RASA2: variants seen among roughly 807,000 people sequenced by gnomAD.
The protein encoded by RASA2 is RAS p21 protein activator 2.
In RASA2, 155 loss-of-function variants were observed where a neutral mutation model predicts 118.2. The ratio of observed to expected loss-of-function variants is 1.31; its 90% CI spans 1.15 to 1.50. The LOEUF (loss-of-function observed/expected upper bound fraction) is 1.50. RASA2 is among the 40% of genes most tolerant of loss of function. The probability of loss-of-function intolerance (pLI) is 0.00; values close to 1 mark genes in which losing one functional copy is unlikely to be tolerated. For missense variants in RASA2, 1,016 were observed against 1,009.6 expected (o/e 1.01, Z -0.09); for synonymous variants, 353 against 349.1 (o/e 1.01, Z -0.12).
At chr3:141,488,018 G>T (rs2081599923) in intron 1 of RASA2, among the ~76,000 whole-genome samples, 1 of 152,208 alleles carries the variant, frequency 6.6e-6, no homozygotes, top group Non-Finnish European at 1.5e-5. Context: ...TCTCATGCGT[G>T]TAATTGCTAC....
intron 2 of RASA2, among the ~76,000 whole-genome samples, 193 bp downstream of exon 2, chr3:141,512,473 T>C (rs1191340607): frequency 1.3e-5 from 2 of 152,214 alleles, no homozygotes; most frequent in African/African-American, 4.8e-5. Context: ...GAAAAGTTTT[T>C]TCACATGACA....
chr3:141,562,387 CG>C (rs2082744297), intron 9 of RASA2, among the ~76,000 whole-genome samples: 1 of 146,684 alleles, frequency 6.8e-6, no homozygotes, highest in South Asian at 2.1e-4. Context: ...ACTTTGGGAG[CG>C]CAAGGCAGGC....
At chr3:141,523,748 C>T (rs1254117206) in intron 3 of RASA2, among the ~76,000 whole-genome samples, 1 of 152,130 alleles carries the variant, frequency 6.6e-6, no homozygotes, top group African/African-American at 2.4e-5. Context: ...TCCCCGACCC[C>T]TCACTCCACC....
At chr3:141,532,277 G>C (rs1206009742) in intron 4 of RASA2, among the ~76,000 whole-genome samples, 6 of 152,128 alleles carry the variant, frequency 3.9e-5, no homozygotes, top group Middle Eastern at 3.4e-3. Flanking sequence ...TAACCACAGT[G>C]CCTTTACTAC....
intron 23 of RASA2, 26 bp from the exon 24 acceptor site, chr3:141,612,257 G>T: frequency 6.5e-7 from 1 of 1,538,806 alleles, no homozygotes; most frequent in South Asian, 1.2e-5. Context: ...CTTAAATTTT[G>T]AAAAATGACT....
Position 141,596,138 on chromosome 3 carries a change from C to T in RASA2, c.1933+9386C>T, listed in dbSNP as rs143151839. Among the ~76,000 whole-genome samples, 7 of 152,256 alleles carry T rather than the reference C, an allele frequency of 4.6e-5. No homozygotes were observed. The East Asian group carries it at 1.3e-3, about 29-fold the overall frequency. On this transcript the variant is annotated intron_variant, in intron 19 of 23. Transcript: ENST00000286364. ...CCGCCATATGCTGGGCCTGGAGTCT[C>T]AGTAAATATCAAAAGATTGACTTTT...
At chr3:141,552,041 T>C (rs1334149083) in intron 5 of RASA2, among the ~76,000 whole-genome samples, 1 of 152,116 alleles carries the variant, frequency 6.6e-6, no homozygotes, top group Non-Finnish European at 1.5e-5. Context: ...TTTAATAATA[T>C]TACTTAAGTT....
chr3:141,542,885 C>T (rs1278960659), intron 5 of RASA2, among the ~76,000 whole-genome samples: 1 of 152,000 alleles, frequency 6.6e-6, no homozygotes, highest in African/African-American at 2.4e-5. Context: ...TAATATGTGA[C>T]CTTTTGAGAT....
chr3:141,584,384 T>G (rs2083167255), intron 17 of RASA2, among the ~76,000 whole-genome samples: 1 of 148,062 alleles, frequency 6.8e-6, no homozygotes, highest in Non-Finnish European at 1.5e-5. Flanking sequence ...TTCCTTGAAC[T>G]GCTGATTTCC....
At chr3:141,541,074 G>A (rs2082398222) in intron 5 of RASA2, among the ~76,000 whole-genome samples, 1 of 151,788 alleles carries the variant, frequency 6.6e-6, no homozygotes, top group Admixed American at 6.6e-5. Flanking sequence ...CTAATCTCCT[G>A]GCTGTTCTGG....
intron 11 of RASA2, 51 bp downstream of exon 11, chr3:141,571,605 CT>C: frequency 6.6e-7 from 1 of 1,524,560 alleles, no homozygotes; most frequent in Non-Finnish European, 8.9e-7. Flanking sequence ...GAAATTGGAC[CT>C]TAGTTTGACA....
chr3:141,590,203 T>C, intron 19 of RASA2: 1 of 455,400 alleles, frequency 2.2e-6, no homozygotes, highest in South Asian at 1.6e-5. Context: ...GTTATATGGA[T>C]TCTGATTTAG....
chr3:141,543,621 T>C (rs1344308629), intron 5 of RASA2, among the ~76,000 whole-genome samples: 1 of 152,100 alleles, frequency 6.6e-6, no homozygotes, highest in East Asian at 1.9e-4. Flanking sequence ...TTTTCCTTCA[T>C]CTCAGAAGGT....
intron 17 of RASA2, among the ~76,000 whole-genome samples, chr3:141,583,596 G>GT (rs1400612036): frequency 2.0e-5 from 3 of 152,226 alleles, no homozygotes; most frequent in African/African-American, 7.2e-5. Flanking sequence ...TTGGATACTT[G>GT]TACCCACATT....
intron 4 of RASA2, among the ~76,000 whole-genome samples, chr3:141,536,272 C>T (rs375393833): frequency 1.2e-3 from 184 of 152,194 alleles, no homozygotes; most frequent in African/African-American, 4.2e-3. Context: ...GAAGCAAAAG[C>T]GGAAACCCCT....
At chr3:141,503,851 A>G (rs1001098846) in intron 1 of RASA2, among the ~76,000 whole-genome samples, 11 of 152,212 alleles carry the variant, frequency 7.2e-5, no homozygotes, top group African/African-American at 2.7e-4. Context: ...ACGTCTCTGT[A>G]TTAATACAAT....
At chr3:141,580,647 G>A (rs1338094786) in intron 16 of RASA2, among the ~76,000 whole-genome samples, 196 bp downstream of exon 16, 1 of 151,936 alleles carries the variant, frequency 6.6e-6, no homozygotes, top group African/African-American at 2.4e-5. Flanking sequence ...TTCAGAAGCT[G>A]GGCATAGTGA....
intron 23 of RASA2, among the ~76,000 whole-genome samples, chr3:141,610,375 TTTATATA>T (rs1256388333): frequency 8.8e-6 from 1 of 114,228 alleles, no homozygotes; most frequent in East Asian, 3.2e-4. Flanking sequence ...TATATTTATA[TTTATATA>T]TTATATATTT....
chr3:141,522,715 G>C (rs1218251787), intron 3 of RASA2, among the ~76,000 whole-genome samples: 2 of 152,134 alleles, frequency 1.3e-5, no homozygotes, highest in African/African-American at 4.8e-5. Context: ...CGGGGCAACT[G>C]CTTTTGATAC....
Sources: gnomAD v4.1 joint callset for allele counts (sites outside exome capture counted in the v4.1 genomes callset) on GRCh38, gnomAD v4.1.1 for gene constraint, MANE v1.5 for transcripts, NCBI Gene and HGNC (gene_info 2026-07-23, HGNC 2026-07-21) for gene names.